C12orf60: variants seen among roughly 807,000 people sequenced by gnomAD.
The protein encoded by C12orf60 is chromosome 12 open reading frame 60.
For synonymous variants in C12orf60, 102 were observed against 94.6 expected (o/e 1.08, Z -0.45); for missense variants, 284 against 283.2 (o/e 1.00, Z -0.02).
intron 1 of C12orf60, among the ~76,000 whole-genome samples, chr12:14,816,094 G>A (rs1281087473): frequency 6.6e-6 from 1 of 152,110 alleles, no homozygotes; most frequent in African/African-American, 2.4e-5. Context: ...CAGTATTAAC[G>A]TCAAGTCAAT....
At chr12:14,807,128 G>A (rs1429385573) in intron 1 of C12orf60, among the ~76,000 whole-genome samples, 3 of 152,158 alleles carry the variant, frequency 2.0e-5, no homozygotes, top group African/African-American at 4.8e-5. Context: ...CACTGTGCCC[G>A]CCCTCAGCAG....
chr12:14,811,793 A>G (rs1950143588), intron 1 of C12orf60, among the ~76,000 whole-genome samples: 1 of 152,236 alleles, frequency 6.6e-6, no homozygotes, highest in Non-Finnish European at 1.5e-5. Flanking sequence ...TTTCGTGAAT[A>G]ACAGTAGTGC....
intron 1 of C12orf60, among the ~76,000 whole-genome samples, chr12:14,820,167 G>A (rs1950283341): frequency 6.6e-6 from 1 of 151,956 alleles, no homozygotes; most frequent in African/African-American, 2.4e-5. Context: ...GTTGTTTATA[G>A]TGTTCTCTCG....
At chr12:14,810,308 A>C (rs1404387479) in intron 1 of C12orf60, among the ~76,000 whole-genome samples, 1 of 152,194 alleles carries the variant, frequency 6.6e-6, no homozygotes, top group Non-Finnish European at 1.5e-5. Flanking sequence ...AGCACTGGGG[A>C]ATTAGGAAGA....
intron 1 of C12orf60, chr12:14,805,477 T>A (rs1213247529): frequency 3.9e-5 from 6 of 152,630 alleles, no homozygotes; most frequent in Non-Finnish European, 7.3e-5. Flanking sequence ...TACAAACCAT[T>A]TTTCAGTCTC....
At position 14,823,763 on chromosome 12, in the gene C12orf60, C is replaced by T. The variant is rs573079854; in HGVS notation, c.*90C>T. The T allele has an allele frequency of 8.0e-7, 1 of 1,255,316 alleles. No individual in the cohort carries two copies. The highest frequency in any genetic ancestry group is 1.1e-6 in the Non-Finnish European group (1 of 926,530). 77.8% of individuals were successfully genotyped at this position (1,255,316 alleles called of 1,614,324 possible). On this transcript the variant is annotated 3_prime_UTR_variant, in exon 2 of 2. Transcript: ENST00000330828. ...GTTTCTAAGATCTTTTGGTGCCAAACATGTGCTATGTTAGAACATAAGTAC... is the reference window on the plus strand; with the variant it reads ...GTTTCTAAGATCTTTTGGTGCCAAATATGTGCTATGTTAGAACATAAGTAC...
At chr12:14,816,140 C>T (rs1950213569) in intron 1 of C12orf60, among the ~76,000 whole-genome samples, 1 of 152,016 alleles carries the variant, frequency 6.6e-6, no homozygotes, top group Admixed American at 6.6e-5. Context: ...GGCACATTTT[C>T]TTAGTGTAGA....
At chr12:14,804,497 A>G (rs1950017023) in intron 1 of C12orf60, among the ~76,000 whole-genome samples, 2 of 152,224 alleles carry the variant, frequency 1.3e-5, no homozygotes, top group African/African-American at 4.8e-5. Flanking sequence ...CCTTGAAGGT[A>G]TAAGATCGGT....
At chr12:14,821,750 C>G (rs986605415) in intron 1 of C12orf60, among the ~76,000 whole-genome samples, 27 of 151,756 alleles carry the variant, frequency 1.8e-4, no homozygotes, top group African/African-American at 4.8e-4. Flanking sequence ...CGGGGGTCCC[C>G]TTTCCTGGTG....
intron 1 of C12orf60, chr12:14,805,985 G>A: frequency 6.3e-7 from 1 of 1,579,268 alleles, no homozygotes; most frequent in Non-Finnish European, 8.6e-7. Flanking sequence ...ACACTTCAGT[G>A]GCAAATAAAA....
intron 1 of C12orf60, among the ~76,000 whole-genome samples, chr12:14,814,783 C>T (rs1486716189): frequency 6.6e-6 from 1 of 152,208 alleles, no homozygotes; most frequent in African/African-American, 2.4e-5. Flanking sequence ...TTCTTCCCAG[C>T]TTCAGTCTTC....
chr12:14,804,341 A>G (rs1372933764), intron 1 of C12orf60, among the ~76,000 whole-genome samples: 1 of 152,228 alleles, frequency 6.6e-6, no homozygotes, highest in Non-Finnish European at 1.5e-5. Context: ...TTAAACATTT[A>G]AAAAACTATC....
At position 14,809,547 on chromosome 12, in the gene C12orf60, G is replaced by A. The variant is rs1413577214; in HGVS notation, c.-25+5796G>A. On this transcript the variant is annotated intron_variant, in intron 1 of 1. Coordinates refer to ENST00000330828, the MANE Select transcript of C12orf60 (RefSeq NM_175874.4). ...GTAGAATCTCAAATCAATAATAATC[G>A]AAATTATTACTCCATAAATGGTCTT... Among the ~76,000 whole-genome samples, 4 of 152,076 alleles carry A rather than the reference G, an allele frequency of 2.6e-5. No individual in the cohort carries two copies. In the East Asian group the frequency reaches 5.8e-4, roughly 22 times the overall value.
chr12:14,816,810 T>C (rs1370879532), intron 1 of C12orf60, among the ~76,000 whole-genome samples: 1 of 150,350 alleles, frequency 6.7e-6, no homozygotes, highest in Non-Finnish European at 1.5e-5. Flanking sequence ...AGTGGTGCCA[T>C]CTTGGCTCAC....
chr12:14,806,275 C>T (rs1950047936), intron 1 of C12orf60: 2 of 1,614,120 alleles, frequency 1.2e-6, no homozygotes, highest in Admixed American at 1.7e-5. Flanking sequence ...TTTGAGCCCA[C>T]AAGTTTAACA....
At chr12:14,810,109 A>T (rs1950113262) in intron 1 of C12orf60, among the ~76,000 whole-genome samples, 1 of 152,330 alleles carries the variant, frequency 6.6e-6, no homozygotes, top group East Asian at 1.9e-4. Context: ...TGTTTCCCTT[A>T]TAATGAAAAA....
At chr12:14,806,572 TG>T (rs761656761) in intron 1 of C12orf60, 1 of 1,614,180 alleles carries the variant, frequency 6.2e-7, no homozygotes, top group Non-Finnish European at 8.5e-7. Flanking sequence ...GTCAGCTTAT[TG>T]GTGACATCGA....
At chr12:14,820,577 T>C (rs1016686557) in intron 1 of C12orf60, among the ~76,000 whole-genome samples, 2 of 152,068 alleles carry the variant, frequency 1.3e-5, no homozygotes, top group East Asian at 3.8e-4. Flanking sequence ...TTGTGACTTC[T>C]TTTTTGAGCC....
intron 1 of C12orf60, among the ~76,000 whole-genome samples, chr12:14,808,888 T>C (rs2137259390): frequency 6.6e-6 from 1 of 152,346 alleles, no homozygotes; most frequent in East Asian, 1.9e-4. Context: ...TGCTTGTTGA[T>C]GATCCAGTAA....
Sources: gnomAD v4.1 joint callset for allele counts (sites outside exome capture counted in the v4.1 genomes callset) on GRCh38, gnomAD v4.1.1 for gene constraint, MANE v1.5 for transcripts, NCBI Gene and HGNC (gene_info 2026-07-23, HGNC 2026-07-21) for gene names.